WNK2: variants seen among roughly 807,000 people sequenced by gnomAD.
WNK2 encodes the protein serine/threonine-protein kinase WNK2.
WNK2 carries 67 observed loss-of-function variants against 192.1 expected under a neutral mutation model. That is an observed-to-expected ratio of 0.35 (90% confidence interval 0.29 to 0.43). The LOEUF is 0.43. Among genes scored for constraint, WNK2 ranks in the 20% least tolerant of loss-of-function variants. WNK2 has a pLI of 1.00. For synonymous variants in WNK2, 1,439 were observed against 1,393.9 expected, an observed-to-expected ratio of 1.03 and a Z score of -0.72; for missense variants, 2,698 against 3,089.7, an observed-to-expected ratio of 0.87 and a Z score of 3.01.
chr9:93,247,543 A>G lies in WNK2; in HGVS notation c.1543A>G (p.Ile515Val). 6.2e-7 allele frequency: 1 copy of G among 1,609,306 alleles called. No homozygotes were observed. The highest frequency in any genetic ancestry group is 1.1e-5 in the South Asian group (1 of 89,866). Residue 515 changes from isoleucine (I) to valine (V), a missense_variant and splice_region_variant, in exon 8 of 30, where the codon ATT becomes GTT. Ile to Val is a conservative substitution (Grantham distance 29). This residue lies in a region of WNK2 where 230 missense variants were observed against 501.1 expected (regional missense o/e 0.46). Transcript: ENST00000427277. The surrounding 1 kb of genome is among the most constrained non-coding windows in gnomAD (Gnocchi z 5.2). ...ETPDEVAQEMIESGFFHESDV... is the reference protein window; with the variant it reads ...ETPDEVAQEMVESGFFHESDV... Reference sequence around the variant, plus strand: ...GCTGACAACATGACTGCCTTTACAGATTGAGTCTGGATTCTTCCACGAGAG... The same window carrying G: ...GCTGACAACATGACTGCCTTTACAGGTTGAGTCTGGATTCTTCCACGAGAG...
chr9:93,258,823 A>C, intron 11 of WNK2, 108 bp from the exon 12 acceptor site: 1 of 966,460 alleles, frequency 1.0e-6, no homozygotes, highest in African/African-American at 1.6e-5. Context: ...TGCTGTCTTC[A>C]TCCCGTGTCC....
rs146429743 is a variant in WNK2 at position 93,207,799 on chromosome 9, C to G, written c.682-21897C>G. Among the ~76,000 whole-genome samples the G allele has an allele frequency of 2.1e-3, 320 of 152,206 alleles. 1 individual carries two copies. The highest frequency in any genetic ancestry group is 7.3e-3 in the African/African-American group (303 of 41,504). On this transcript the variant is annotated intron_variant, in intron 2 of 29. Coordinates refer to ENST00000427277, the MANE Select transcript of WNK2 (RefSeq NM_006648.4). ...TCTCCAGGCGCTGTTTTTAGTTTTG[C>G]GAAGTTCAGTAGATTGCAAAGAATT...
At position 93,297,846 on chromosome 9, in the gene WNK2, C is replaced by T. The variant is rs746832568; in HGVS notation, c.5709-7C>T. ...CCATCGGCGCTCCCTCCTGTCCCCT[C>T]CTGCAGGCACCTGAAGGAGATCTCG... On this transcript the variant is annotated splice_polypyrimidine_tract_variant and splice_region_variant and intron_variant, in intron 23 of 29. Transcript: ENST00000427277. The T allele has an allele frequency of 6.4e-7, 1 of 1,570,438 alleles. No individual in the cohort carries two copies. Among genetic ancestry groups the T allele is most frequent in the African/African-American group, 1.4e-5 (1 of 73,748 alleles).
chr9:93,196,654 G>GGTCTAACCA (rs1227879430), intron 2 of WNK2, among the ~76,000 whole-genome samples: 9 of 152,168 alleles, frequency 5.9e-5, no homozygotes, highest in African/African-American at 2.2e-4. Flanking sequence ...GGGATTCTCT[G>GGTCTAACCA]GTCTCCTTGG....
chr9:93,305,784 C>T (rs1367509717), intron 26 of WNK2, among the ~76,000 whole-genome samples: 1 of 152,232 alleles, frequency 6.6e-6, no homozygotes, highest in African/African-American at 2.4e-5. Context: ...CTCCCGGGAA[C>T]AGCGCTGAGG....
intron 28 of WNK2, among the ~76,000 whole-genome samples, chr9:93,311,013 C>T (rs1040325832): frequency 6.6e-6 from 1 of 152,152 alleles, no homozygotes; most frequent in Non-Finnish European, 1.5e-5. Flanking sequence ...CTGTTCATCT[C>T]CATCTCTTTT....
intron 28 of WNK2, among the ~76,000 whole-genome samples, chr9:93,311,092 T>TC (rs1195071457): frequency 6.6e-6 from 1 of 152,190 alleles, no homozygotes; most frequent in Non-Finnish European, 1.5e-5. Flanking sequence ...CCTGGGAACT[T>TC]CCATTCTGCT....
rs769980486 is a variant in WNK2, at chr9:93,320,439, T to A, written c.*47T>A. 60 of 1,367,256 alleles carry A rather than the reference T, an allele frequency of 4.4e-5. No individual in the cohort carries two copies. Among genetic ancestry groups the A allele is most frequent in the Non-Finnish European group, 5.8e-5 (59 of 1,021,598 alleles). 84.7% of individuals were successfully genotyped at this position (1,367,256 alleles called of 1,614,324 possible). Reference sequence around the variant, plus strand: ...ACTTCACGCCGTCTAAGTGGAGAAGTGACGGACCCTCAGGGCCAGCTGCTC... The same window carrying A: ...ACTTCACGCCGTCTAAGTGGAGAAGAGACGGACCCTCAGGGCCAGCTGCTC... On this transcript the variant is annotated 3_prime_UTR_variant, in exon 30 of 30. Transcript: ENST00000427277.
Position 93,289,044 on chromosome 9 carries a change from C to G in WNK2, c.4290C>G (p.Leu1430=), listed in dbSNP as rs1002180031. Residue 1430 remains leucine (L), a synonymous_variant, in exon 20 of 30, where the codon CTC becomes CTG. Transcript: ENST00000427277. ...CACCTCAGGGGCTGACCAGTGAGCTCGAGACGTCTCAGCCACTAGCGGAGA... is the reference window on the plus strand; with the variant it reads ...CACCTCAGGGGCTGACCAGTGAGCTGGAGACGTCTCAGCCACTAGCGGAGA... The part of the protein sequence containing the change: ...PGTPQGLTSE[L]ETSQPLAETH... The G allele has an allele frequency of 1.2e-6, 2 of 1,604,018 alleles. No homozygotes were observed. The highest frequency in any genetic ancestry group is 1.3e-5 in the African/African-American group (1 of 74,774).
At chr9:93,292,174 G>GTACCCACT in intron 21 of WNK2, 134 bp from the exon 22 acceptor site, 1 of 862,960 alleles carries the variant, frequency 1.2e-6, no homozygotes, top group Non-Finnish European at 1.9e-6. Context: ...GCTCCTCCCA[G>GTACCCACT]TACCCACTTC....
intron 2 of WNK2, among the ~76,000 whole-genome samples, chr9:93,195,563 G>A (rs2131094882): frequency 6.6e-6 from 1 of 152,004 alleles, no homozygotes; most frequent in East Asian, 1.9e-4. Context: ...GCTGGGCGTG[G>A]TGGCGGGCGC....
intron 12 of WNK2, among the ~76,000 whole-genome samples, chr9:93,260,297 C>T (rs568625567): frequency 1.3e-5 from 2 of 152,166 alleles, no homozygotes; most frequent in South Asian, 2.1e-4. Context: ...TGTTCAAACT[C>T]GAGTGAGGTG....
At chr9:93,192,994 G>A (rs1001069234) in intron 2 of WNK2, among the ~76,000 whole-genome samples, 3 of 152,218 alleles carry the variant, frequency 2.0e-5, no homozygotes, top group Non-Finnish European at 4.4e-5. Context: ...GTGATGGCAT[G>A]GAGCTTTAGG....
chr9:93,308,474 A>G lies in WNK2; in HGVS notation c.6406A>G (p.Thr2136Ala). The change falls in exon 28 of 30, where the codon ACG (threonine) becomes GCG (alanine). Residue 2136 changes from threonine (T) to alanine (A), a missense_variant. Physicochemically the swap from Thr to Ala is moderately conservative, Grantham distance 58. Coordinates refer to ENST00000427277, the MANE Select transcript of WNK2 (RefSeq NM_006648.4). ...GCTGGTGGACGAGTGGACGAGCAAG[A>G]CGGTGGGGGCCGCGCAGCTGAAGCC... Reference protein sequence around the residue: ...HKLVDEWTSKTVGAAQLKPTL... With the variant: ...HKLVDEWTSKAVGAAQLKPTL... The G allele has an allele frequency of 1.2e-6, 2 of 1,610,028 alleles. No homozygotes were observed. The highest frequency in any genetic ancestry group is 1.7e-6 in the Non-Finnish European group (2 of 1,178,656).
chr9:93,318,529 GC>G (rs1403859834), intron 29 of WNK2: 2 of 1,614,100 alleles, frequency 1.2e-6, no homozygotes, highest in Non-Finnish European at 1.7e-6. Flanking sequence ...GAGCAGACAT[GC>G]CCCCCATGCC....
chr9:93,185,061 C>A lies in WNK2; in HGVS notation c.132C>A (p.Arg44=). 1 of 1,305,894 alleles carries A rather than the reference C, an allele frequency of 7.7e-7. No homozygotes were observed. The highest frequency in any genetic ancestry group is 9.7e-7 in the Non-Finnish European group (1 of 1,026,216). The allele number at this position is 1,305,894 out of a possible 1,614,324, so 80.9% of individuals were successfully genotyped here. ...CGGGGCCCCAGCGCTTTCTGCGGCG[C>A]AGCGTGGTAGAGTCGGACCAGGAGG... The part of the protein sequence containing the change: ...ARPGPQRFLR[R]SVVESDQEEP... Residue 44 remains arginine (R), a synonymous_variant, in exon 2 of 30, where the codon CGC becomes CGA. Coordinates refer to ENST00000427277, the MANE Select transcript of WNK2 (RefSeq NM_006648.4).
intron 19 of WNK2, among the ~76,000 whole-genome samples, chr9:93,279,743 T>G (rs1163431819): frequency 6.6e-6 from 1 of 152,172 alleles, no homozygotes; most frequent in Non-Finnish European, 1.5e-5. Flanking sequence ...AGTCTGGAAA[T>G]CAACCCACAC....
rs138630760 is a variant in WNK2 at position 93,257,130 on chromosome 9, C to T, written c.2373C>T (p.Val791=). 1.1e-4 allele frequency: 176 copies of T among 1,608,026 alleles called. No individual in the cohort carries two copies. The highest frequency in any genetic ancestry group is 1.4e-4 in the Non-Finnish European group (170 of 1,178,848). Residue 791 remains valine, a synonymous_variant, in exon 11 of 30, where the codon GTC becomes GTT. Transcript: ENST00000427277. This position sits in a 1 kb window ranked among gnomAD's most constrained non-coding sequence, Gnocchi z 4.7. ...PQAPLQPLAQ[V]PPQMPPIPVV... The stretch of plus-strand genomic sequence containing the variant: ...CGCCCCTGCAGCCGCTTGCTCAAGT[C>T]CCTCCGCAGGTAATTCTAGGTTGAT...
Position 93,262,463 on chromosome 9 carries a change from G to A in WNK2, c.3361-207G>A, listed in dbSNP as rs140464446. ...TTTATGAATACACTCGGGTCCAAGC[G>A]TTTCAACAAGATAAAAACCTCTATG... On this transcript the variant is annotated intron_variant, in intron 13 of 29. Coordinates refer to ENST00000427277, the MANE Select transcript of WNK2 (RefSeq NM_006648.4). Among the ~76,000 whole-genome samples, 949 of 152,312 alleles carry A rather than the reference G, an allele frequency of 6.2e-3. 6 individuals carry two copies. The highest frequency in any genetic ancestry group is 0.01 in the Middle Eastern group (3 of 294).
Sources: allele counts gnomAD v4.1 joint callset (sites outside exome capture counted in the v4.1 genomes callset), GRCh38; gene constraint gnomAD v4.1.1; regional missense constraint gnomAD v4.1.1; non-coding constraint Gnocchi (gnomAD v3.1); transcripts MANE v1.5; gene names NCBI Gene and HGNC (gene_info 2026-07-23, HGNC 2026-07-21).